PCDHA3: variants seen among roughly 807,000 people sequenced by gnomAD.
PCDHA3 encodes the protein protocadherin alpha-3.
Under a neutral mutation model 62.2 loss-of-function variants are expected in PCDHA3, and 41 were observed. The observed-to-expected ratio is 0.66, with a 90% confidence interval of 0.51 to 0.86. PCDHA3 has a LOEUF of 0.86. PCDHA3 is among the 40% of genes least tolerant of loss of function. The probability of loss-of-function intolerance (pLI) is 0.00; values close to 1 mark genes in which losing one functional copy is unlikely to be tolerated. For synonymous variants in PCDHA3, 640 were observed against 555.4 expected, an observed-to-expected ratio of 1.15 and a Z score of -2.14; for missense variants, 1,304 against 1,241.2, an observed-to-expected ratio of 1.05 and a Z score of -0.76.
chr5:140,808,231 A>T, intron 1 of PCDHA3: 1 of 1,614,258 alleles, frequency 6.2e-7, no homozygotes, highest in Non-Finnish European at 8.5e-7. Context: ...ATAATGTCCC[A>T]GATTTGGAAT....
intron 1 of PCDHA3, chr5:140,882,721 A>G: frequency 6.2e-7 from 1 of 1,614,170 alleles, no homozygotes; most frequent in East Asian, 2.2e-5. Context: ...CGGAAACTCG[A>G]TTTCCACTAG....
At chr5:140,944,566 A>G (rs782290531) in intron 1 of PCDHA3, among the ~76,000 whole-genome samples, 37 of 152,182 alleles carry the variant, frequency 2.4e-4, no homozygotes, top group African/African-American at 7.5e-4. Context: ...CTGGCAACTT[A>G]CTGTAGAGAT....
chr5:140,883,230 A>T (rs1554177225), intron 1 of PCDHA3: 1 of 1,614,082 alleles, frequency 6.2e-7, no homozygotes, highest in African/African-American at 1.3e-5. Flanking sequence ...ATATCCGTGG[A>T]GGCAGTTGAC....
At chr5:140,943,861 A>AG (rs2093579644) in intron 1 of PCDHA3, among the ~76,000 whole-genome samples, 1 of 152,230 alleles carries the variant, frequency 6.6e-6, no homozygotes, top group South Asian at 2.1e-4. Flanking sequence ...AGTCAAGAAG[A>AG]GGTCTCTGAA....
chr5:140,954,777 T>C (rs1563274185), intron 1 of PCDHA3, among the ~76,000 whole-genome samples: 1 of 152,214 alleles, frequency 6.6e-6, no homozygotes, highest in African/African-American at 2.4e-5. Flanking sequence ...TTAATTTAAT[T>C]AGATCTCATT....
Position 140,803,586 on chromosome 5 carries a change from G to A in PCDHA3, c.2389G>A (p.Ala797Thr), listed in dbSNP as rs1321959847. ...EKQDVDVDLS[A>T]KPRQPNPDWR... ...ACAGGATGTGGACGTTGATCTCTCAGCCAAAGTGAGTAATTTTTATTTATT... is the reference window on the plus strand; with the variant it reads ...ACAGGATGTGGACGTTGATCTCTCAACCAAAGTGAGTAATTTTTATTTATT... The change falls in exon 1 of 4, where the codon GCC (alanine) becomes ACC (threonine). Residue 797 changes from alanine to threonine, a missense_variant. Coordinates refer to ENST00000522353, the MANE Select transcript of PCDHA3 (RefSeq NM_018906.3). 1.2e-6 allele frequency: 2 copies of A among 1,614,068 alleles called. No individual in the cohort carries two copies. The highest frequency in any genetic ancestry group is 4.5e-5 in the East Asian group (2 of 44,890).
intron 1 of PCDHA3, among the ~76,000 whole-genome samples, chr5:140,931,683 A>C (rs1482331530): frequency 6.6e-6 from 1 of 151,950 alleles, no homozygotes; most frequent in Non-Finnish European, 1.5e-5. Flanking sequence ...AAATAAATGA[A>C]TTGTGATTCA....
chr5:140,877,161 G>C (rs2056901330), intron 1 of PCDHA3: 1 of 1,613,828 alleles, frequency 6.2e-7, no homozygotes, highest in Non-Finnish European at 8.5e-7. Context: ...ACAACGCGCC[G>C]GCACTGCTGG....
At chr5:140,895,332 G>C (rs1021596445) in intron 1 of PCDHA3, among the ~76,000 whole-genome samples, 1 of 151,584 alleles carries the variant, frequency 6.6e-6, no homozygotes, top group South Asian at 2.1e-4. Context: ...TTCTCAAATT[G>C]TTTTACTATG....
chr5:140,831,798 C>T (rs1370257293), intron 1 of PCDHA3, among the ~76,000 whole-genome samples: 1 of 152,186 alleles, frequency 6.6e-6, no homozygotes, highest in African/African-American at 2.4e-5. Context: ...ATTTCAGTTT[C>T]TTCTGTAAAG....
At chr5:140,853,460 T>C in intron 1 of PCDHA3, 2 of 974,384 alleles carry the variant, frequency 2.1e-6, no homozygotes, top group Non-Finnish European at 2.5e-6. Flanking sequence ...TCTCCTTATA[T>C]GCATCTGTAG....
At chr5:140,856,114 C>A (rs1375690984) in intron 1 of PCDHA3, 3 of 1,597,988 alleles carry the variant, frequency 1.9e-6, no homozygotes, top group Non-Finnish European at 2.6e-6. Flanking sequence ...TCCTCGCAGC[C>A]TGGGAGGTGG....
At chr5:140,808,364 G>A (rs76650315) in intron 1 of PCDHA3, 6 of 1,614,170 alleles carry the variant, frequency 3.7e-6, no homozygotes, top group African/African-American at 2.7e-5. Flanking sequence ...GACGTCCCAC[G>A]TCCCCTTCAA....
rs78042832 is a variant in PCDHA3, at chr5:140,978,370, A to G, written c.2395-579A>G. Among the ~76,000 whole-genome samples, 198 of 152,318 alleles carry G rather than the reference A, an allele frequency of 1.3e-3. 1 individual carries two copies. The East Asian group carries it at 0.027, about 21-fold the overall frequency. On this transcript the variant is annotated intron_variant, in intron 1 of 3. Transcript: ENST00000522353. ...TAGCAAAACAAGGTCAAACTCTGCA[A>G]TAGTTTGTTTTCCTCTCCCTAGTAT...
chr5:140,885,945 TA>T (rs2060787135), intron 1 of PCDHA3, among the ~76,000 whole-genome samples: 1 of 152,206 alleles, frequency 6.6e-6, no homozygotes, highest in Non-Finnish European at 1.5e-5. Flanking sequence ...TTGACATTTT[TA>T]ATTAAAATTT....
In PCDHA3 at chr5:140,802,424, G is replaced by A; in HGVS notation, c.1227G>A (p.Leu409=). The part of the protein sequence containing the change: ...STFKNYYSLV[L]DSPLDRESVS... ...TCAAGAATTACTACTCATTGGTGCT[G>A]GACAGCCCTCTGGACCGCGAGAGCG... The change falls in exon 1 of 4, where the codon CTG becomes CTA. Residue 409 remains leucine (L), a synonymous_variant. Coordinates refer to ENST00000522353, the MANE Select transcript of PCDHA3 (RefSeq NM_018906.3). 6.2e-7 allele frequency: 1 copy of A among 1,614,218 alleles called. No homozygotes were observed. Among genetic ancestry groups the A allele is most frequent in the South Asian group, 1.1e-5 (1 of 91,088 alleles).
intron 1 of PCDHA3, among the ~76,000 whole-genome samples, chr5:140,924,904 AAT>A (rs1277700524): frequency 5.2e-4 from 28 of 54,160 alleles, no homozygotes; most frequent in African/African-American, 2.1e-3. Context: ...CAAAAAAAAA[AAT>A]AAAATAAAAT....
chr5:141,000,051 C>T (rs1483967510), intron 3 of PCDHA3, among the ~76,000 whole-genome samples: 3 of 152,100 alleles, frequency 2.0e-5, no homozygotes, highest in African/African-American at 7.2e-5. Flanking sequence ...ACACCACTCT[C>T]CCAGCTGCTC....
chr5:140,838,729 A>G (rs2150291864), intron 1 of PCDHA3, among the ~76,000 whole-genome samples: 7 of 152,120 alleles, frequency 4.6e-5, no homozygotes, highest in Non-Finnish European at 8.8e-5. Flanking sequence ...TCAGTCTAGT[A>G]GTTTGAGACC....
Sources: gnomAD v4.1 joint callset for allele counts (sites outside exome capture counted in the v4.1 genomes callset) on GRCh38, gnomAD v4.1.1 for gene constraint, MANE v1.5 for transcripts, NCBI Gene and HGNC (gene_info 2026-07-23, HGNC 2026-07-21) for gene names.